GDA: variants seen among roughly 807,000 people sequenced by gnomAD.
GDA encodes cytoplasmic PSD-95 interactor.
A neutral mutation model predicts 59.6 loss-of-function variants in GDA; 18 were observed. The ratio of observed to expected loss-of-function variants is 0.30; its 90% CI spans 0.21 to 0.45. GDA has a LOEUF of 0.45. Among genes scored for constraint, GDA ranks in the 20% least tolerant of loss-of-function variants. GDA has a pLI of 1.00. For missense variants in GDA, 427 were observed against 552.3 expected (o/e 0.77, Z 2.27); for synonymous variants, 201 against 201.1 (o/e 1.00, Z 0.00).
chr9:72,235,393 G>T (rs1838859248), intron 10 of GDA, among the ~76,000 whole-genome samples: 1 of 152,138 alleles, frequency 6.6e-6, no homozygotes, highest in South Asian at 2.1e-4. Context: ...TATATGCTCT[G>T]CCAAGGAAGA....
At position 72,115,084 on chromosome 9, in the gene GDA, C is replaced by G. The variant is rs531112049; in HGVS notation, c.-100+251C>G. On this transcript the variant is annotated intron_variant, in intron 1 of 13. Coordinates refer to the GDA transcript ENST00000545168. ...CCGGGAGGAGCAGGGGATAAAGGCC[C>G]AGAAAATTAAGTGGCATTTTATGAC... is the stretch of plus-strand genomic sequence containing the variant. Among the ~76,000 whole-genome samples, 7 of 152,246 alleles carry G rather than the reference C, an allele frequency of 4.6e-5. 1 individual carries two copies. In the South Asian group the frequency reaches 1.4e-3, roughly 32 times the overall value.
upstream of GDA, among the ~76,000 whole-genome samples, chr9:72,147,690 GA>G (rs1293728361): frequency 6.6e-6 from 1 of 151,814 alleles, no homozygotes; most frequent in African/African-American, 2.4e-5. Context: ...TCTGTTTTAG[GA>G]AAGTAATACA....
At chr9:72,226,942 C>G (rs1326963529) in intron 8 of GDA, among the ~76,000 whole-genome samples, 2 of 152,008 alleles carry the variant, frequency 1.3e-5, no homozygotes, top group African/African-American at 4.8e-5. Flanking sequence ...ACGGTGAAAC[C>G]CCGTCTCTAC....
chr9:72,250,010 A>T lies in GDA; in HGVS notation c.*1668A>T. The T allele has an allele frequency of 2.1e-6, 2 of 954,462 alleles. No individual in the cohort carries two copies. The highest frequency in any genetic ancestry group is 2.5e-6 in the Non-Finnish European group (2 of 801,804). The allele number at this position is 954,462 out of a possible 1,614,324, so 59.1% of individuals were successfully genotyped here. A position where few individuals can be genotyped will look rare whatever the true frequency, so the allele number is the denominator to read the frequency against. The stretch of plus-strand genomic sequence containing the variant: ...GTTTTATTTTTTTAATAAACAACAG[A>T]GTTTGTTTTGTGAGATAAGTATCTT... On this transcript the variant is annotated 3_prime_UTR_variant, in exon 14 of 14. Coordinates refer to ENST00000358399, the MANE Select transcript of GDA (RefSeq NM_004293.5).
At chr9:72,211,138 T>A (rs905466160) in intron 4 of GDA, among the ~76,000 whole-genome samples, 4 of 152,190 alleles carry the variant, frequency 2.6e-5, no homozygotes, top group Non-Finnish European at 5.9e-5. Flanking sequence ...TATCAGCAGA[T>A]ACATGGTGGC....
chr9:72,156,745 A>G (rs1827937475), intron 1 of GDA, among the ~76,000 whole-genome samples: 1 of 152,154 alleles, frequency 6.6e-6, no homozygotes, highest in Non-Finnish European at 1.5e-5. Context: ...ATCTCCATTT[A>G]TCAGATACTT....
rs528314856 is a variant in GDA at position 72,137,370 on chromosome 9, C to T, written c.-100+22537C>T. Among the ~76,000 whole-genome samples, 865 of 151,076 alleles carry T rather than the reference C, an allele frequency of 5.7e-3. 13 individuals are homozygous for T. The highest frequency in any genetic ancestry group is 0.02 in the African/African-American group (834 of 41,208). On this transcript the variant is annotated intron_variant, in intron 1 of 13. Transcript: ENST00000545168. ...CACACCATTCTCCTGCCTCAGCCTC[C>T]CGAGTAGCTGGGACTACAGTCTCCT... is the stretch of plus-strand genomic sequence containing the variant.
In GDA at chr9:72,250,949, A is replaced by C; in HGVS notation, c.*2607A>C. On this transcript the variant is annotated 3_prime_UTR_variant, in exon 14 of 14. Transcript: ENST00000358399. ...AAGGTAAATTTCATTTTCAAACGAGAGGGAAACATGGGAAGTAAAAGATTA... is the reference window on the plus strand; with the variant it reads ...AAGGTAAATTTCATTTTCAAACGAGCGGGAAACATGGGAAGTAAAAGATTA... The C allele has an allele frequency of 1.2e-6, 1 of 847,496 alleles. No individual in the cohort carries two copies. Among genetic ancestry groups the C allele is most frequent in the Non-Finnish European group, 1.9e-6 (1 of 532,442 alleles). The allele number at this position is 847,496 out of a possible 1,614,324, so 52.5% of individuals were successfully genotyped here.
At chr9:72,227,889 C>A (rs1837792760) in intron 8 of GDA, 54 bp from the exon 9 acceptor site, 2 of 907,976 alleles carry the variant, frequency 2.2e-6, no homozygotes, top group Non-Finnish European at 3.7e-6. Flanking sequence ...TGAGTGAGTA[C>A]CCACTTAATC....
Position 72,142,191 on chromosome 9 carries a change from T to TGA in GDA, c.-100+27361_-100+27362dup. ...GGTAGTTATTTTGGTCTTTGATGAATGAGAAGTGGGGAAATCTTTCATTTA... is the reference window on the plus strand; with the variant it reads ...GGTAGTTATTTTGGTCTTTGATGAATGAGAGAAGTGGGGAAATCTTTCATTTA... On this transcript the variant is annotated intron_variant, in intron 1 of 13. Coordinates refer to the GDA transcript ENST00000545168. Among the ~76,000 whole-genome samples, 5 of 152,302 alleles carry TGA rather than the reference T, an allele frequency of 3.3e-5. 1 individual carries two copies. Among genetic ancestry groups the TGA allele is most frequent in the Admixed American group, 3.3e-4 (5 of 15,298 alleles).
chr9:72,132,399 G>A (rs560669430), intron 1 of GDA, among the ~76,000 whole-genome samples: 10 of 152,220 alleles, frequency 6.6e-5, no homozygotes, highest in Non-Finnish European at 1.0e-4. Flanking sequence ...GAGGGTGAGT[G>A]CACACTGTAG....
At chr9:72,114,841 C>G (rs886725433) in intron 1 of GDA, 13 of 152,372 alleles carry the variant, frequency 8.5e-5, no homozygotes, top group African/African-American at 3.1e-4. Flanking sequence ...GAGGTGAGGA[C>G]TTGCTTTCTG....
At chr9:72,186,081 TG>T (rs1163470650) in intron 1 of GDA, among the ~76,000 whole-genome samples, 1 of 152,130 alleles carries the variant, frequency 6.6e-6, no homozygotes, top group African/African-American at 2.4e-5. Context: ...TTGGCCATGG[TG>T]GGTACCCACT....
At chr9:72,209,113 T>C (rs1835065277) in intron 3 of GDA, among the ~76,000 whole-genome samples, 1 of 151,372 alleles carries the variant, frequency 6.6e-6, no homozygotes, top group African/African-American at 2.4e-5. Flanking sequence ...TTTCCTGGAG[T>C]TTTTAGCATC....
chr9:72,155,220 A>G (rs975910229), intron 1 of GDA, among the ~76,000 whole-genome samples: 2 of 152,206 alleles, frequency 1.3e-5, no homozygotes, highest in Non-Finnish European at 2.9e-5. Context: ...CACTTCTTAC[A>G]TGGCGGCAGC....
chr9:72,179,536 T>A (rs972342413), intron 1 of GDA, among the ~76,000 whole-genome samples: 1 of 152,200 alleles, frequency 6.6e-6, no homozygotes, highest in Non-Finnish European at 1.5e-5. Context: ...CTATCTCAGA[T>A]GAAGTGACTA....
At chr9:72,207,929 G>A (rs1055698137) in intron 3 of GDA, among the ~76,000 whole-genome samples, 2 of 151,920 alleles carry the variant, frequency 1.3e-5, no homozygotes, top group African/African-American at 4.8e-5. Context: ...GGGCAACATA[G>A]CAAGGGCTTG....
downstream of GDA, among the ~76,000 whole-genome samples, chr9:72,255,647 C>G (rs1383548205): frequency 1.3e-5 from 2 of 152,156 alleles, no homozygotes; most frequent in Non-Finnish European, 2.9e-5. Flanking sequence ...GTATTTTGGA[C>G]TAATTTATAT....
intron 2 of GDA, among the ~76,000 whole-genome samples, chr9:72,196,284 C>T (rs191553409): frequency 2.6e-5 from 4 of 151,802 alleles, no homozygotes; most frequent in Non-Finnish European, 5.9e-5. Flanking sequence ...AGTTCAAGAC[C>T]AGCCTGGCCA....
Sources: gnomAD v4.1 joint callset for allele counts (sites outside exome capture counted in the v4.1 genomes callset) on GRCh38, gnomAD v4.1.1 for gene constraint, MANE v1.5 for transcripts, NCBI Gene and HGNC (gene_info 2026-07-23, HGNC 2026-07-21) for gene names.